SMARCC1: variants seen among roughly 807,000 people sequenced by gnomAD.
SMARCC1 encodes the protein SWI/SNF related BAF chromatin remodeling complex subunit C1.
Under a neutral mutation model 147.4 loss-of-function variants are expected in SMARCC1, and 43 were observed. The observed-to-expected ratio is 0.29, with a 90% CI of 0.23 to 0.38. SMARCC1 has a LOEUF of 0.38. Among genes scored for constraint, SMARCC1 ranks in the 10% least tolerant of loss-of-function variants. The pLI, the probability that SMARCC1 is intolerant of heterozygous loss-of-function variation, is 1.00. For missense variants in SMARCC1, 1,119 were observed against 1,381.1 expected, an observed-to-expected ratio of 0.81 and a Z score of 3.01; for synonymous variants, 495 against 484.4, an observed-to-expected ratio of 1.02 and a Z score of -0.29.
intron 12 of SMARCC1, among the ~76,000 whole-genome samples, chr3:47,690,768 G>A (rs1056940627): frequency 2.0e-5 from 3 of 152,178 alleles, no homozygotes; most frequent in Admixed American, 1.3e-4. Flanking sequence ...ACCCAGAGAT[G>A]GACACGGTGG....
At chr3:47,634,549 T>C (rs942567523) in intron 24 of SMARCC1, among the ~76,000 whole-genome samples, 3 of 152,238 alleles carry the variant, frequency 2.0e-5, no homozygotes, top group Non-Finnish European at 2.9e-5. Flanking sequence ...GGAAACTACT[T>C]CTGAAGTAGA....
intron 13 of SMARCC1, among the ~76,000 whole-genome samples, chr3:47,686,640 C>G (rs2033727329): frequency 6.6e-6 from 1 of 152,010 alleles, no homozygotes; most frequent in East Asian, 1.9e-4. Flanking sequence ...ACAATTTTCT[C>G]TCTGTGGTGA....
At chr3:47,665,646 A>G (rs1014293397) in intron 19 of SMARCC1, among the ~76,000 whole-genome samples, 1 of 152,204 alleles carries the variant, frequency 6.6e-6, no homozygotes, top group African/African-American at 2.4e-5. Context: ...GAGCCTAGGA[A>G]CTGATAATAA....
At chr3:47,663,534 C>G (rs2033379487) in intron 19 of SMARCC1, 2 of 959,624 alleles carry the variant, frequency 2.1e-6, no homozygotes. Flanking sequence ...TCTCTTGAGC[C>G]CAGGGGTTCA....
chr3:47,681,438 G>A (rs2033642700), intron 14 of SMARCC1, among the ~76,000 whole-genome samples: 1 of 152,264 alleles, frequency 6.6e-6, no homozygotes, highest in African/African-American at 2.4e-5. Context: ...ATAATTTTAT[G>A]ACATGTTACA....
At chr3:47,689,331 C>G in intron 13 of SMARCC1, 56 bp downstream of exon 13, 2 of 1,386,666 alleles carry the variant, frequency 1.4e-6, no homozygotes, top group Non-Finnish European at 2.1e-6. Context: ...TTCTACTGTT[C>G]GGTACACAGG....
intron 14 of SMARCC1, 81 bp downstream of exon 14, chr3:47,685,968 G>A: frequency 2.7e-6 from 3 of 1,122,042 alleles, no homozygotes; most frequent in Non-Finnish European, 3.9e-6. Context: ...AAGGAACATG[G>A]GCAGAAAGGC....
chr3:47,662,613 G>A, intron 19 of SMARCC1, 21 bp from the exon 20 acceptor site: 1 of 1,606,338 alleles, frequency 6.2e-7, no homozygotes, highest in Non-Finnish European at 8.5e-7. Flanking sequence ...AAAAACAGAT[G>A]CTTTCATGTC....
chr3:47,764,500 A>G (rs1385718672), intron 2 of SMARCC1, among the ~76,000 whole-genome samples: 1 of 152,220 alleles, frequency 6.6e-6, no homozygotes, highest in Non-Finnish European at 1.5e-5. Flanking sequence ...GTTTCTACCT[A>G]CGAATCCACA....
At chr3:47,771,299 T>C (rs2034912041) in intron 2 of SMARCC1, among the ~76,000 whole-genome samples, 4 of 152,154 alleles carry the variant, frequency 2.6e-5, no homozygotes, top group Admixed American at 2.0e-4. Context: ...AAAGGTCTAC[T>C]GATCATAGAT....
At chr3:47,753,749 A>G (rs1269418954) in intron 2 of SMARCC1, among the ~76,000 whole-genome samples, 1 of 150,478 alleles carries the variant, frequency 6.6e-6, no homozygotes, top group African/African-American at 2.4e-5. Context: ...AGTAGTGCTA[A>G]CAATTGGTAA....
intron 18 of SMARCC1, among the ~76,000 whole-genome samples, chr3:47,673,507 G>A (rs2033531165): frequency 6.7e-6 from 1 of 150,064 alleles, no homozygotes; most frequent in Admixed American, 6.8e-5. Flanking sequence ...TAGTCAACAT[G>A]GAGAAACCCT....
chr3:47,731,906 C>T (rs987492792), intron 5 of SMARCC1, among the ~76,000 whole-genome samples: 3 of 152,192 alleles, frequency 2.0e-5, no homozygotes, highest in African/African-American at 7.2e-5. Context: ...CGACCATTGG[C>T]TTCAACTTAC....
chr3:47,753,777 T>A (rs1460928939), intron 2 of SMARCC1, among the ~76,000 whole-genome samples: 4 of 150,556 alleles, frequency 2.7e-5, no homozygotes, highest in Admixed American at 1.3e-4. Context: ...CGTGTTTCTA[T>A]GAAAGGAGTA....
chr3:47,740,178 CTTTTTTTT>C (rs34523367), intron 3 of SMARCC1, among the ~76,000 whole-genome samples: 4 of 35,708 alleles, frequency 1.1e-4, no homozygotes, highest in African/African-American at 2.4e-4. Context: ...GCCCGGCCAT[CTTTTTTTT>C]TTTTTTTTTT....
intron 11 of SMARCC1, among the ~76,000 whole-genome samples, chr3:47,694,473 A>C (rs2033824711): frequency 6.6e-6 from 1 of 152,104 alleles, no homozygotes; most frequent in South Asian, 2.1e-4. Flanking sequence ...GGTGGTGCGC[A>C]TGTGTAATCC....
intron 8 of SMARCC1, among the ~76,000 whole-genome samples, chr3:47,712,954 G>C (rs1299216971): frequency 6.6e-6 from 1 of 152,080 alleles, no homozygotes; most frequent in Non-Finnish European, 1.5e-5. Flanking sequence ...CATGGCTCAT[G>C]AGTCACATGG....
chr3:47,766,886 A>AT (rs2034846616), intron 2 of SMARCC1, among the ~76,000 whole-genome samples: 1 of 152,078 alleles, frequency 6.6e-6, no homozygotes, highest in Admixed American at 6.6e-5. Context: ...GGAAGTTACT[A>AT]TATAAAGTTC....
At chr3:47,689,288 A>T in intron 13 of SMARCC1, 99 bp downstream of exon 13, 1 of 950,716 alleles carries the variant, frequency 1.1e-6, no homozygotes, top group Non-Finnish European at 1.7e-6. Context: ...AGGGCTTCAT[A>T]GTCCAAAAAT....
Sources: allele counts gnomAD v4.1 joint callset (sites outside exome capture counted in the v4.1 genomes callset), GRCh38; gene constraint gnomAD v4.1.1; transcripts MANE v1.5; gene names NCBI Gene and HGNC (gene_info 2026-07-23, HGNC 2026-07-21).